WNT7A: variants seen among roughly 807,000 people sequenced by gnomAD.
The protein encoded by WNT7A is protein Wnt-7a.
WNT7A carries 16 observed loss-of-function variants against 28.2 expected under a neutral mutation model. That is an observed-to-expected ratio of 0.57 (90% CI 0.38 to 0.86). The LOEUF (loss-of-function observed/expected upper bound fraction) is 0.86, where lower values mean the gene tolerates loss of function less well. Among genes scored for constraint, WNT7A ranks in the 40% least tolerant of loss-of-function variants. The pLI, the probability that WNT7A is intolerant of heterozygous loss-of-function variation, is 0.00. For missense variants in WNT7A, 411 were observed against 489.7 expected (o/e 0.84, Z 1.52); for synonymous variants, 190 against 195.9 (o/e 0.97, Z 0.25).
intron 2 of WNT7A, among the ~76,000 whole-genome samples, chr3:13,856,160 T>C (rs939855869): frequency 2.4e-4 from 37 of 151,378 alleles, no homozygotes; most frequent in African/African-American, 8.7e-4. Flanking sequence ...TGGCGTGCCA[T>C]GCCAGCCCAC....
chr3:13,820,782 T>A (rs569157721), intron 3 of WNT7A, among the ~76,000 whole-genome samples: 4 of 152,238 alleles, frequency 2.6e-5, no homozygotes, highest in African/African-American at 9.6e-5. Context: ...AGGTGACCAG[T>A]GTTTGGTCAA....
chr3:13,865,383 C>T (rs1694895555), intron 2 of WNT7A, among the ~76,000 whole-genome samples: 1 of 150,200 alleles, frequency 6.7e-6, no homozygotes, highest in Non-Finnish European at 1.5e-5. Flanking sequence ...TGAATCATGC[C>T]ACAGGGGTCT....
At chr3:13,836,067 G>C (rs943349660) in intron 3 of WNT7A, among the ~76,000 whole-genome samples, 4 of 152,222 alleles carry the variant, frequency 2.6e-5, no homozygotes, top group African/African-American at 9.6e-5. Flanking sequence ...TTTCTTTGAG[G>C]GGTGCTGAGA....
chr3:13,877,847 G>A (rs528130432), intron 1 of WNT7A, among the ~76,000 whole-genome samples: 32 of 152,342 alleles, frequency 2.1e-4, no homozygotes, highest in African/African-American at 7.5e-4. Context: ...AGGCTAGTGC[G>A]GAGTCACCTG....
intron 2 of WNT7A, among the ~76,000 whole-genome samples, chr3:13,856,920 G>GAAA (rs1559303264): frequency 8.4e-5 from 8 of 94,798 alleles, no homozygotes; most frequent in African/African-American, 3.1e-4. Context: ...AGAAGAAGAA[G>GAAA]AAGAAGAAGA....
At chr3:13,845,327 C>G (rs539303041) in intron 3 of WNT7A, among the ~76,000 whole-genome samples, 1 of 152,224 alleles carries the variant, frequency 6.6e-6, no homozygotes, top group African/African-American at 2.4e-5. Flanking sequence ...AACAGACCTT[C>G]CTGCCACCAC....
At chr3:13,862,125 G>A (rs1362399896) in intron 2 of WNT7A, among the ~76,000 whole-genome samples, 1 of 152,224 alleles carries the variant, frequency 6.6e-6, no homozygotes, top group Admixed American at 6.5e-5. Context: ...ACCCTTAGGA[G>A]GACATTGCCA....
chr3:13,834,024 A>G (rs115973041), intron 3 of WNT7A, among the ~76,000 whole-genome samples: 1,528 of 152,306 alleles, frequency 0.01, 21 homozygotes, highest in African/African-American at 0.034. Context: ...CATAAGGCTG[A>G]TACCAGCTTC....
intron 2 of WNT7A, among the ~76,000 whole-genome samples, chr3:13,855,692 C>T (rs377136071): frequency 5.3e-5 from 8 of 152,174 alleles, no homozygotes; most frequent in African/African-American, 1.9e-4. Flanking sequence ...GGTTCAAGGG[C>T]TACGTCTGCT....
intron 3 of WNT7A, among the ~76,000 whole-genome samples, chr3:13,826,883 T>C (rs891864402): frequency 6.6e-6 from 1 of 152,238 alleles, no homozygotes; most frequent in Non-Finnish European, 1.5e-5. Flanking sequence ...AACTAAGGCC[T>C]AATGCCCACA....
At chr3:13,864,692 G>C (rs564912130) in intron 2 of WNT7A, among the ~76,000 whole-genome samples, 1 of 152,174 alleles carries the variant, frequency 6.6e-6, no homozygotes, top group Non-Finnish European at 1.5e-5. Context: ...ATACAAGTGG[G>C]GGAGTCTTAT....
intron 3 of WNT7A, among the ~76,000 whole-genome samples, chr3:13,846,772 G>T (rs1335207392): frequency 1.3e-5 from 2 of 152,048 alleles, no homozygotes; most frequent in Admixed American, 6.6e-5. Flanking sequence ...AGTCCTCAGG[G>T]ACTGCAGGAT....
At chr3:13,826,770 T>C (rs1694202948) in intron 3 of WNT7A, among the ~76,000 whole-genome samples, 1 of 152,124 alleles carries the variant, frequency 6.6e-6, no homozygotes, top group African/African-American at 2.4e-5. Context: ...AAAAAATTGA[T>C]TGCAAAATCA....
Position 13,818,679 on chromosome 3 carries a change from C to T in WNT7A, c.*265G>A, listed in dbSNP as rs961369539. ...TGATGAGGCCCAGGGGTCCAGAGTT[C>T]CTGCTGCAGAAGGCTTCGCTCCAGC... On this transcript the variant is annotated 3_prime_UTR_variant, in exon 4 of 4. Transcript: ENST00000285018. 7 of 341,828 alleles carry T rather than the reference C, an allele frequency of 2.0e-5. No homozygotes were observed. Among genetic ancestry groups the T allele is most frequent in the Non-Finnish European group, 3.7e-5 (7 of 190,364 alleles). 21.2% of individuals were successfully genotyped at this position (341,828 alleles called of 1,614,324 possible).
At chr3:13,879,659 G>T in intron 1 of WNT7A, 87 bp downstream of exon 1, 1 of 1,459,994 alleles carries the variant, frequency 6.8e-7, no homozygotes, top group Non-Finnish European at 9.4e-7. Flanking sequence ...AAGTTGGCCG[G>T]CAGAGGCTCG....
intron 3 of WNT7A, among the ~76,000 whole-genome samples, chr3:13,851,044 G>C (rs984735838): frequency 6.6e-6 from 1 of 151,878 alleles, no homozygotes; most frequent in African/African-American, 2.4e-5. Flanking sequence ...CTTCCATTAC[G>C]ACCCTGTTCC....
intron 2 of WNT7A, among the ~76,000 whole-genome samples, chr3:13,866,949 A>G (rs1287874754): frequency 2.0e-5 from 3 of 152,178 alleles, no homozygotes; most frequent in Non-Finnish European, 4.4e-5. Context: ...GAAGGTGGTG[A>G]AAACTGGACA....
intron 3 of WNT7A, among the ~76,000 whole-genome samples, chr3:13,853,903 C>A (rs1295579474): frequency 2.6e-5 from 4 of 152,160 alleles, no homozygotes. Context: ...CAGGAGGGAG[C>A]CTGGGACCTG....
chr3:13,850,479 C>A (rs1174047661), intron 3 of WNT7A, among the ~76,000 whole-genome samples: 1 of 152,152 alleles, frequency 6.6e-6, no homozygotes, highest in Non-Finnish European at 1.5e-5. Flanking sequence ...GACCGACACC[C>A]CTCCGTGTGC....
Sources: allele counts gnomAD v4.1 joint callset (sites outside exome capture counted in the v4.1 genomes callset), GRCh38; gene constraint gnomAD v4.1.1; transcripts MANE v1.5; gene names NCBI Gene and HGNC (gene_info 2026-07-23, HGNC 2026-07-21).